SPPL3: variants seen among roughly 807,000 people sequenced by gnomAD.
The protein encoded by SPPL3 is signal peptide peptidase like 3.
Under a neutral mutation model 42.4 loss-of-function variants are expected in SPPL3, and 5 were observed. That is an observed-to-expected ratio of 0.12 (90% CI 0.06 to 0.25). The LOEUF (loss-of-function observed/expected upper bound fraction) is 0.25. Among genes scored for constraint, SPPL3 ranks in the 10% least tolerant of loss-of-function variants. The pLI is 1.00. For missense variants in SPPL3, 235 were observed against 489.0 expected, an observed-to-expected ratio of 0.48 and a Z score of 4.90; for synonymous variants, 195 against 181.8, an observed-to-expected ratio of 1.07 and a Z score of -0.58.
chr12:120,876,180 T>A (rs1489395538), intron 1 of SPPL3, among the ~76,000 whole-genome samples: 2 of 151,890 alleles, frequency 1.3e-5, no homozygotes, highest in Non-Finnish European at 2.9e-5. Context: ...ACAACCTCCA[T>A]CCCTCAATTT....
chr12:120,806,074 T>A (rs116492363), intron 2 of SPPL3, among the ~76,000 whole-genome samples: 2,960 of 147,032 alleles, frequency 0.02, 112 homozygotes, highest in African/African-American at 0.07. Context: ...GGATCCAGAG[T>A]AGCCAGAAAA....
intron 1 of SPPL3, among the ~76,000 whole-genome samples, chr12:120,825,778 T>C (rs1346258985): frequency 2.0e-5 from 3 of 152,120 alleles, no homozygotes; most frequent in Admixed American, 2.0e-4. Flanking sequence ...GGCAGAAATA[T>C]TCAGTGTAGA....
At chr12:120,836,202 T>G (rs894336908) in intron 1 of SPPL3, among the ~76,000 whole-genome samples, 6 of 151,824 alleles carry the variant, frequency 4.0e-5, no homozygotes, top group African/African-American at 1.2e-4. Context: ...CCCCTCCCCT[T>G]GAATCTGGGC....
In SPPL3 at chr12:120,832,145, G is replaced by C. The variant is rs535153997; in HGVS notation, c.24-21259C>G. On this transcript the variant is annotated intron_variant, in intron 1 of 10. Transcript: ENST00000353487. Reference sequence around the variant, plus strand: ...CTAAATAAGTGCTTTAACTGAATCAGCTCATTTAATACTCAAAATAACCCT... The same window carrying C: ...CTAAATAAGTGCTTTAACTGAATCACCTCATTTAATACTCAAAATAACCCT... 1.2e-4 allele frequency among the ~76,000 whole-genome samples: 18 copies of C among 152,166 alleles called. No homozygotes were observed. The South Asian group carries it at 3.7e-3, about 32-fold the overall frequency.
chr12:120,786,391 C>T (rs1366201730), intron 3 of SPPL3, among the ~76,000 whole-genome samples: 9 of 152,100 alleles, frequency 5.9e-5, no homozygotes, highest in Admixed American at 5.9e-4. Context: ...ATTTTCAGTG[C>T]CTTTCACTAC....
At chr12:120,898,296 GTTT>G (rs1162273579) in intron 1 of SPPL3, among the ~76,000 whole-genome samples, 2 of 91,138 alleles carry the variant, frequency 2.2e-5, no homozygotes, top group Non-Finnish European at 3.9e-5. Flanking sequence ...GCAAGACTCT[GTTT>G]TTTTTTTTTT....
In SPPL3 at chr12:120,763,147, C is replaced by T. The variant is rs1868731101; in HGVS notation, c.*1852G>A. 1 of 152,256 alleles carries T rather than the reference C, an allele frequency of 6.6e-6. No individual in the cohort carries two copies. The highest frequency in any genetic ancestry group is 2.1e-4 in the South Asian group (1 of 4,836). 9.4% of individuals were successfully genotyped at this position (152,256 alleles called of 1,614,324 possible). ...CAGGTCTGGGGACAGACAGAGTCTT[C>T]CCATCAGTCTTCCAGAACAGGGAGG... is the stretch of plus-strand genomic sequence containing the variant. On this transcript the variant is annotated 3_prime_UTR_variant, in exon 11 of 11. Coordinates refer to ENST00000353487, the MANE Select transcript of SPPL3 (RefSeq NM_139015.5).
At chr12:120,788,535 T>C (rs1364864989) in intron 3 of SPPL3, among the ~76,000 whole-genome samples, 1 of 152,200 alleles carries the variant, frequency 6.6e-6, no homozygotes, top group Non-Finnish European at 1.5e-5. Flanking sequence ...CTCCTTCTCC[T>C]AGCTCCTATT....
chr12:120,811,441 A>C (rs1870680895), intron 1 of SPPL3: 1 of 152,290 alleles, frequency 6.6e-6, no homozygotes, highest in Non-Finnish European at 1.5e-5. Context: ...CTCTCAAGGA[A>C]TGGTGTCACC....
chr12:120,855,649 T>A (rs1444498617), intron 1 of SPPL3, among the ~76,000 whole-genome samples: 1 of 150,940 alleles, frequency 6.6e-6, no homozygotes, highest in African/African-American at 2.5e-5. Flanking sequence ...ATCGTGCCAC[T>A]GCACCACTGC....
rs1566060791 is a variant in SPPL3, at chr12:120,852,698, T to TA, written c.24-41813_24-41812insT. The stretch of plus-strand genomic sequence containing the variant: ...AATATATGCATATATAATATACATA[T>TA]TTTACATATATGAAATATATTTTAT... On this transcript the variant is annotated intron_variant, in intron 1 of 10. Coordinates refer to ENST00000353487, the MANE Select transcript of SPPL3 (RefSeq NM_139015.5). Among the ~76,000 whole-genome samples, 117 of 30,902 alleles carry TA rather than the reference T, an allele frequency of 3.8e-3. 8 individuals carry two copies. The highest frequency in any genetic ancestry group is 0.032 in the South Asian group (23 of 710). 20.3% of individuals were successfully genotyped at this position (30,902 alleles called of 152,430 possible).
Position 120,764,950 on chromosome 12 carries a change from T to G in SPPL3, c.*49A>C. ...CTCTAAGAGGAAACAAACCATGAGT[T>G]GAGAGAAAAGGACTATGACGGCCAT... is the stretch of plus-strand genomic sequence containing the variant. On this transcript the variant is annotated 3_prime_UTR_variant, in exon 11 of 11. Coordinates refer to ENST00000353487, the MANE Select transcript of SPPL3 (RefSeq NM_139015.5). The G allele has an allele frequency of 3.8e-6, 6 of 1,591,984 alleles. No individual in the cohort carries two copies. The highest frequency in any genetic ancestry group is 4.3e-6 in the Non-Finnish European group (5 of 1,164,340).
At chr12:120,890,143 G>A (rs1873589651) in intron 1 of SPPL3, among the ~76,000 whole-genome samples, 1 of 152,126 alleles carries the variant, frequency 6.6e-6, no homozygotes, top group African/African-American at 2.4e-5. Context: ...AACTATTGGG[G>A]AAAGCTGAGG....
At chr12:120,807,674 C>CA (rs10706063) in intron 2 of SPPL3, among the ~76,000 whole-genome samples, 79 of 126,458 alleles carry the variant, frequency 6.2e-4, no homozygotes, top group African/African-American at 1.3e-3. Flanking sequence ...AACTCCGACT[C>CA]AAAAAAAAAA....
At chr12:120,855,667 C>T (rs1263631069) in intron 1 of SPPL3, among the ~76,000 whole-genome samples, 3 of 150,922 alleles carry the variant, frequency 2.0e-5, no homozygotes, top group Admixed American at 2.0e-4. Flanking sequence ...TGCACTCCAG[C>T]CTGGGCAGCT....
chr12:120,809,246 G>A (rs567646153), intron 2 of SPPL3, among the ~76,000 whole-genome samples: 12 of 152,236 alleles, frequency 7.9e-5, no homozygotes, highest in African/African-American at 2.6e-4. Flanking sequence ...TCAGGAGGCC[G>A]AGACAGAAGA....
At chr12:120,900,815 G>A (rs1873954379) in intron 1 of SPPL3, among the ~76,000 whole-genome samples, 1 of 151,504 alleles carries the variant, frequency 6.6e-6, no homozygotes, top group Non-Finnish European at 1.5e-5. Context: ...CCAGCCACCT[G>A]CAGGGCTGAG....
intron 6 of SPPL3, among the ~76,000 whole-genome samples, chr12:120,775,716 T>C (rs182900372): frequency 3.7e-4 from 57 of 152,286 alleles, no homozygotes; most frequent in Middle Eastern, 6.8e-3. Flanking sequence ...TCTTCCCAAA[T>C]TTGAAAGGTT....
chr12:120,802,462 T>A (rs570000226), intron 2 of SPPL3, among the ~76,000 whole-genome samples: 1 of 143,172 alleles, frequency 7.0e-6, no homozygotes, highest in South Asian at 2.2e-4. Context: ...TGAGATGGAG[T>A]CTCAGTTTGT....
Sources: gnomAD v4.1 joint callset for allele counts (sites outside exome capture counted in the v4.1 genomes callset) on GRCh38, gnomAD v4.1.1 for gene constraint, MANE v1.5 for transcripts, NCBI Gene and HGNC (gene_info 2026-07-23, HGNC 2026-07-21) for gene names.